The following SOX5 variants were observed in gnomAD, a reference collection of about 807,000 sequenced individuals.
SOX5 encodes SRY-box transcription factor 5.
A neutral mutation model predicts 92.0 loss-of-function variants in SOX5; 9 were observed. That is an observed-to-expected ratio of 0.10 (90% CI 0.06 to 0.17). SOX5 has a LOEUF of 0.17. SOX5 is among the 10% of genes least tolerant of loss of function. The pLI is 1.00. For synonymous variants in SOX5, 344 were observed against 336.3 expected (o/e 1.02, Z -0.25); for missense variants, 642 against 944.5 (o/e 0.68, Z 4.20).
At chr12:24,549,212 A>C (rs1202249725) in intron 1 of SOX5, among the ~76,000 whole-genome samples, 3 of 152,216 alleles carry the variant, frequency 2.0e-5, no homozygotes, top group African/African-American at 7.2e-5. Context: ...ATGCTGTATA[A>C]TCTTCTGTGA....
intron 4 of SOX5, among the ~76,000 whole-genome samples, chr12:24,019,983 T>C (rs530295121): frequency 1.3e-5 from 2 of 152,338 alleles, no homozygotes; most frequent in Admixed American, 6.5e-5. Flanking sequence ...GCAAGTTTGG[T>C]GGAGCTAAAC....
intron 1 of SOX5, among the ~76,000 whole-genome samples, chr12:24,549,120 T>C (rs1173328972): frequency 6.6e-6 from 1 of 152,224 alleles, no homozygotes; most frequent in Non-Finnish European, 1.5e-5. Flanking sequence ...CATTACCTCA[T>C]TAGCCATCTT....
At chr12:23,826,165 C>T in intron 3 of SOX5, among the ~76,000 whole-genome samples, 1 of 136,394 alleles carries the variant, frequency 7.3e-6, no homozygotes, top group East Asian at 2.5e-4. Flanking sequence ...CTAATGCTAT[C>T]CCTCCCCCCT....
intron 2 of SOX5, among the ~76,000 whole-genome samples, chr12:23,857,594 G>A (rs750943060): frequency 2.0e-5 from 3 of 152,162 alleles, no homozygotes; most frequent in Non-Finnish European, 2.9e-5. Context: ...TCCATAGCCT[G>A]GTGATAGTTA....
intron 3 of SOX5, among the ~76,000 whole-genome samples, chr12:23,785,303 C>T (rs2095359533): frequency 6.6e-6 from 1 of 152,108 alleles, no homozygotes; most frequent in African/African-American, 2.4e-5. Context: ...AAATCAAAAA[C>T]CTACTACCTT....
intron 3 of SOX5, among the ~76,000 whole-genome samples, chr12:23,812,317 T>C (rs1222785340): frequency 6.6e-6 from 1 of 152,082 alleles, no homozygotes; most frequent in Non-Finnish European, 1.5e-5. Flanking sequence ...GACCATCATA[T>C]TTTCTTGCCA....
chr12:24,430,463 T>C (rs1360279409), intron 1 of SOX5, among the ~76,000 whole-genome samples: 2 of 151,798 alleles, frequency 1.3e-5, no homozygotes, highest in African/African-American at 4.8e-5. Context: ...ATATAATATA[T>C]ATAAAATTCA....
At position 23,530,818 on chromosome 12, in the gene SOX5, T is replaced by TGTGTGTGTGCGC; in HGVS notation, c.*3400_*3401insGCGCACACACAC. ...GGGCAAGTGTGTGTGTGTGTGTGTG[T>TGTGTGTGTGCGC]GCGCGCGCGCGCGCGCGCATGTGAG... is the stretch of plus-strand genomic sequence containing the variant. On this transcript the variant is annotated 3_prime_UTR_variant, in exon 15 of 15. Transcript: ENST00000451604. The TGTGTGTGTGCGC allele has an allele frequency of 1.5e-5, 2 of 132,052 alleles. No homozygotes were observed. Among genetic ancestry groups the TGTGTGTGTGCGC allele is most frequent in the African/African-American group, 5.5e-5 (2 of 36,114 alleles). The allele number at this position is 132,052 out of a possible 1,614,324, so 8.2% of individuals were successfully genotyped here.
chr12:23,775,956 G>T (rs1319817504), intron 3 of SOX5, among the ~76,000 whole-genome samples: 1 of 152,196 alleles, frequency 6.6e-6, no homozygotes, highest in Non-Finnish European at 1.5e-5. Flanking sequence ...CTGTGGGCAG[G>T]GGGAGGGGAG....
chr12:23,856,830 C>A (rs1350851793), intron 2 of SOX5, among the ~76,000 whole-genome samples: 1 of 151,940 alleles, frequency 6.6e-6, no homozygotes, highest in African/African-American at 2.4e-5. Flanking sequence ...TGCTAGAAAT[C>A]AAAGAAAAAT....
intron 6 of SOX5, among the ~76,000 whole-genome samples, chr12:23,674,240 T>C (rs190540550): frequency 6.6e-6 from 1 of 151,480 alleles, no homozygotes; most frequent in Admixed American, 6.6e-5. Context: ...TAAATCAAAA[T>C]ACAGTAATTT....
chr12:23,679,947 T>C (rs1416143150), intron 6 of SOX5, among the ~76,000 whole-genome samples: 1 of 110,240 alleles, frequency 9.1e-6, no homozygotes, highest in Non-Finnish European at 1.9e-5. Flanking sequence ...AAGGTTGCAA[T>C]AAAAATTAGT....
chr12:23,831,363 C>T (rs1203671006), intron 3 of SOX5, among the ~76,000 whole-genome samples: 1 of 151,896 alleles, frequency 6.6e-6, no homozygotes, highest in Non-Finnish European at 1.5e-5. Context: ...ACTGTCCAAT[C>T]CAGTCCCACA....
chr12:23,529,734 G>T lies in SOX5; in HGVS notation c.*4485C>A, dbSNP rs916835693. 2 of 151,882 alleles carry T rather than the reference G, an allele frequency of 1.3e-5. No homozygotes were observed. The highest frequency in any genetic ancestry group is 2.9e-5 in the Non-Finnish European group (2 of 67,988). 9.4% of individuals were successfully genotyped at this position (151,882 alleles called of 1,614,324 possible). On this transcript the variant is annotated 3_prime_UTR_variant, in exon 15 of 15. Coordinates refer to ENST00000451604, the MANE Select transcript of SOX5 (RefSeq NM_006940.6). Reference sequence around the variant, plus strand: ...ATATACAACTTATATTACACTATGTGTTATGAACAAAATATAAATCTATAA... The same window carrying T: ...ATATACAACTTATATTACACTATGTTTTATGAACAAAATATAAATCTATAA...
At chr12:23,649,610 T>G (rs1048674470) in intron 7 of SOX5, among the ~76,000 whole-genome samples, 6 of 152,206 alleles carry the variant, frequency 3.9e-5, no homozygotes, top group African/African-American at 1.2e-4. Context: ...AAAACTAAAA[T>G]TTTTCAAAAA....
intron 4 of SOX5, among the ~76,000 whole-genome samples, chr12:24,018,478 T>C (rs1197212039): frequency 6.6e-6 from 1 of 152,162 alleles, no homozygotes; most frequent in Non-Finnish European, 1.5e-5. Flanking sequence ...GAAATGAGAC[T>C]TCAACACTTT....
intron 6 of SOX5, among the ~76,000 whole-genome samples, chr12:23,710,704 T>A (rs2091964992): frequency 6.6e-6 from 1 of 152,202 alleles, no homozygotes; most frequent in African/African-American, 2.4e-5. Context: ...TAAACAAACG[T>A]GTGCATGTGC....
chr12:24,063,405 T>C (rs565318308), intron 4 of SOX5, among the ~76,000 whole-genome samples: 1 of 152,298 alleles, frequency 6.6e-6, no homozygotes, highest in South Asian at 2.1e-4. Context: ...TGGCACTACA[T>C]AGATTCAGCA....
intron 2 of SOX5, among the ~76,000 whole-genome samples, chr12:24,361,125 C>A (rs1443285327): frequency 6.6e-6 from 1 of 152,096 alleles, no homozygotes; most frequent in Non-Finnish European, 1.5e-5. Flanking sequence ...ATAGAATATT[C>A]CATGCAGTTT....
Sources: allele counts gnomAD v4.1 joint callset (sites outside exome capture counted in the v4.1 genomes callset), GRCh38; gene constraint gnomAD v4.1.1; transcripts MANE v1.5; gene names NCBI Gene and HGNC (gene_info 2026-07-23, HGNC 2026-07-21).